The following TSEN2 variants were observed in gnomAD, a reference collection of about 807,000 sequenced individuals.
TSEN2 encodes the protein tRNA splicing endonuclease subunit 2, also known as tRNA-splicing endonuclease subunit Sen2.
A neutral mutation model predicts 59.2 loss-of-function variants in TSEN2; 54 were observed. That is an observed-to-expected ratio of 0.91 (90% CI 0.73 to 1.14). TSEN2 has a LOEUF of 1.14. Among genes scored for constraint, TSEN2 ranks in the 50% most tolerant of loss-of-function variants. TSEN2 has a pLI of 0.00. For synonymous variants in TSEN2, 195 were observed against 198.2 expected (o/e 0.98, Z 0.14); for missense variants, 636 against 576.2 (o/e 1.10, Z -1.06).
chr3:12,529,926 T>A (rs1177996572), intron 10 of TSEN2, 53 bp downstream of exon 10: 4 of 1,586,016 alleles, frequency 2.5e-6, no homozygotes, highest in Non-Finnish European at 3.4e-6. Context: ...GTTCAGTTTT[T>A]TTTTTTTTCT....
In TSEN2 at chr3:12,503,504, GT is replaced by G. The variant is rs2054509706; in HGVS notation, c.552del (p.Asp185IlefsTer6). ...NGDSGKSGGV[G>X]DPREPLGCLQ... The stretch of plus-strand genomic sequence containing the variant: ...GACTCTGGAAAGTCAGGTGGTGTGG[GT>G]GATCCCCGTGAGCCATTAGGCTGCC... On this transcript the variant is annotated frameshift_variant, in exon 5 of 12. Coordinates refer to ENST00000284995, the MANE Select transcript of TSEN2 (RefSeq NM_025265.4). LOFTEE classifies it high-confidence loss of function. The G allele has an allele frequency of 1.2e-6, 2 of 1,614,150 alleles. No homozygotes were observed. The highest frequency in any genetic ancestry group is 3.3e-5 in the Admixed American group (2 of 60,024).
rs3796328 is a variant in TSEN2 at position 12,503,733 on chromosome 3, C to T, written c.780C>T (p.Val260=). ...DRGPDHEYVL[V]EEAECAMSER... is the part of the protein sequence containing the mutation. ...GGCCTGACCATGAGTACGTGCTGGT[C>T]GAGGAAGCGGAGTGTGCCATGAGCG... Residue 260 remains valine, a synonymous_variant, in exon 5 of 12, where the codon GTC becomes GTT. Transcript: ENST00000284995. 113 of 1,613,986 alleles carry T rather than the reference C, an allele frequency of 7.0e-5. No individual in the cohort carries two copies. In the East Asian group the frequency reaches 2.5e-3, roughly 35 times the overall value.
chr3:12,496,001 G>A (rs865878875), intron 3 of TSEN2, among the ~76,000 whole-genome samples: 31 of 152,300 alleles, frequency 2.0e-4, no homozygotes, highest in African/African-American at 7.2e-4. Flanking sequence ...AAAATAACTT[G>A]AGGTCAAGCC....
chr3:12,519,184 C>G lies in TSEN2; in HGVS notation c.1086C>G (p.Tyr362Ter). ...KGWVPKVGLK[Y>*]GTDLLLYRKG... ...GGGTGCCCAAAGTGGGACTCAAGTA[C>G]GGGACAGATTTACGTAAGTAATTCT... The change falls in exon 8 of 12, where the codon TAC becomes TAG. Residue 362 changes from tyrosine to a stop codon, truncating the protein, a stop_gained. Transcript: ENST00000284995. LOFTEE classifies it high-confidence loss of function. The G allele has an allele frequency of 6.2e-7, 1 of 1,614,130 alleles. No individual in the cohort carries two copies. The highest frequency in any genetic ancestry group is 8.5e-7 in the Non-Finnish European group (1 of 1,180,044).
chr3:12,527,060 A>G (rs996039304), intron 8 of TSEN2, among the ~76,000 whole-genome samples: 1 of 152,256 alleles, frequency 6.6e-6, no homozygotes, highest in Non-Finnish European at 1.5e-5. Flanking sequence ...GCAGGGAACA[A>G]AACTCCCAAG....
At position 12,503,720 on chromosome 3, in the gene TSEN2, A is replaced by G; in HGVS notation, c.767A>G (p.Glu256Gly). The change falls in exon 5 of 12, where the codon GAG becomes GGG. Residue 256 changes from glutamate (E) to glycine (G), a missense_variant. Physicochemically the swap from Glu to Gly is moderately conservative, Grantham distance 98. Transcript: ENST00000284995. ...LHPGDRGPDH[E>G]YVLVEEAECA... The stretch of plus-strand genomic sequence containing the variant: ...CCTGGGGACAGAGGGCCTGACCATG[A>G]GTACGTGCTGGTCGAGGAAGCGGAG... 1.9e-6 allele frequency: 3 copies of G among 1,614,060 alleles called. No homozygotes were observed. Among genetic ancestry groups the G allele is most frequent in the Non-Finnish European group, 2.5e-6 (3 of 1,179,950 alleles).
At chr3:12,513,455 T>C (rs1341162989) in intron 6 of TSEN2, among the ~76,000 whole-genome samples, 7 of 152,180 alleles carry the variant, frequency 4.6e-5, no homozygotes, top group Admixed American at 4.6e-4. Context: ...TTAATTGAGC[T>C]TTTAGGTGCT....
At chr3:12,502,448 A>G (rs2054364580) in intron 4 of TSEN2, among the ~76,000 whole-genome samples, 1 of 152,116 alleles carries the variant, frequency 6.6e-6, no homozygotes, top group Non-Finnish European at 1.5e-5. Flanking sequence ...AGGCAGAAGA[A>G]TCGCTTGAAC....
chr3:12,501,374 A>G (rs1439434214), intron 4 of TSEN2, among the ~76,000 whole-genome samples: 1 of 152,220 alleles, frequency 6.6e-6, no homozygotes, highest in African/African-American at 2.4e-5. Context: ...ACGGTGCCGT[A>G]CTGACTCTCA....
chr3:12,504,703 T>C (rs1270273868), intron 5 of TSEN2, among the ~76,000 whole-genome samples: 1 of 152,132 alleles, frequency 6.6e-6, no homozygotes, highest in Non-Finnish European at 1.5e-5. Flanking sequence ...AAGTTAAAAC[T>C]TCCTTTTCCA....
At chr3:12,535,128 GTTC>G (rs2057644854), downstream of TSEN2, among the ~76,000 whole-genome samples, 1 of 151,734 alleles carries the variant, frequency 6.6e-6, no homozygotes. Context: ...CTTGAATGTG[GTTC>G]TTATTTTCAC....
chr3:12,519,771 C>T (rs1483453372), intron 8 of TSEN2, among the ~76,000 whole-genome samples: 2 of 151,978 alleles, frequency 1.3e-5, no homozygotes, highest in Non-Finnish European at 2.9e-5. Flanking sequence ...AAAAAGCATT[C>T]TATAGCACCC....
chr3:12,530,091 C>T, intron 10 of TSEN2: 1 of 1,418,822 alleles, frequency 7.0e-7, no homozygotes, highest in Non-Finnish European at 9.1e-7. Flanking sequence ...TCCCTCCCAA[C>T]TGCTGCTGAG....
intron 4 of TSEN2, among the ~76,000 whole-genome samples, chr3:12,499,295 G>A (rs2054058792): frequency 6.6e-6 from 1 of 152,186 alleles, no homozygotes; most frequent in Admixed American, 6.5e-5. Context: ...CCACCCCGTT[G>A]TCCTTTATTC....
intron 7 of TSEN2, 87 bp from the exon 8 acceptor site, chr3:12,518,972 C>G: frequency 7.5e-7 from 1 of 1,339,482 alleles, no homozygotes; most frequent in Non-Finnish European, 1.1e-6. Flanking sequence ...TTCAGCTCCA[C>G]ACTTAGTATA....
chr3:12,508,617 T>C (rs997702889), intron 6 of TSEN2, among the ~76,000 whole-genome samples: 1 of 152,218 alleles, frequency 6.6e-6, no homozygotes, highest in African/African-American at 2.4e-5. Flanking sequence ...GGGAAGCTTT[T>C]AGTCTGCAAC....
chr3:12,496,202 G>A (rs2053731289), intron 3 of TSEN2, among the ~76,000 whole-genome samples: 2 of 152,226 alleles, frequency 1.3e-5, no homozygotes, highest in South Asian at 4.1e-4. Flanking sequence ...TTTGGAAGTT[G>A]GAATGAGCAT....
intron 6 of TSEN2, chr3:12,506,910 G>A (rs2125071367): frequency 1.1e-5 from 11 of 977,670 alleles, no homozygotes; most frequent in Non-Finnish European, 1.3e-5. Context: ...AAGTAATTGT[G>A]GGGGCCGGGC....
chr3:12,537,104 A>G (rs1431380124), downstream of TSEN2, among the ~76,000 whole-genome samples: 1 of 151,976 alleles, frequency 6.6e-6, no homozygotes, highest in East Asian at 1.9e-4. Context: ...GCACCCCCTA[A>G]AATAAGAAAT....
Sources: gnomAD v4.1 joint callset for allele counts (sites outside exome capture counted in the v4.1 genomes callset) on GRCh38, gnomAD v4.1.1 for gene constraint, MANE v1.5 for transcripts, NCBI Gene and HGNC (gene_info 2026-07-23, HGNC 2026-07-21) for gene names.